OPRM1: variants seen among roughly 807,000 people sequenced by gnomAD.
OPRM1 encodes the protein opioid receptor mu 1, also known as mu-type opioid receptor.
A neutral mutation model predicts 31.8 loss-of-function variants in OPRM1; 27 were observed. The observed-to-expected ratio is 0.85, with a 90% CI of 0.63 to 1.17. The LOEUF (loss-of-function observed/expected upper bound fraction) is 1.17. OPRM1 is among the 50% of genes most tolerant of loss of function. The pLI, the probability that OPRM1 is intolerant of heterozygous loss-of-function variation, is 0.00. For missense variants in OPRM1, 536 were observed against 511.1 expected (o/e 1.05, Z -0.47); for synonymous variants, 196 against 189.9 (o/e 1.03, Z -0.26).
chr6:154,226,617 A>G (rs1406691232), intron 3 of OPRM1, among the ~76,000 whole-genome samples: 1 of 152,162 alleles, frequency 6.6e-6, no homozygotes, highest in Non-Finnish European at 1.5e-5. Context: ...AATTACCGCA[A>G]AAGTCTCCTC....
chr6:154,066,387 C>G (rs1482108983), intron 1 of OPRM1, among the ~76,000 whole-genome samples: 2 of 151,966 alleles, frequency 1.3e-5, no homozygotes, highest in African/African-American at 2.4e-5. Flanking sequence ...ACCAATGAAG[C>G]CATCAGGACC....
intron 1 of OPRM1, among the ~76,000 whole-genome samples, chr6:154,082,046 CT>C (rs1334828850): frequency 6.6e-6 from 1 of 152,172 alleles, no homozygotes; most frequent in Non-Finnish European, 1.5e-5. Flanking sequence ...TTGGGATCTT[CT>C]CATTATTCCA....
intron 1 of OPRM1, among the ~76,000 whole-genome samples, chr6:154,013,400 A>G (rs1777835206): frequency 6.6e-6 from 1 of 152,182 alleles, no homozygotes. Flanking sequence ...CAAGTGCCTG[A>G]AATAATCAAT....
At chr6:154,030,013 C>A (rs2128386800) in intron 1 of OPRM1, among the ~76,000 whole-genome samples, 1 of 152,008 alleles carries the variant, frequency 6.6e-6, no homozygotes, top group East Asian at 1.9e-4. Context: ...ATTTTTGAGG[C>A]CTCCCAAGCC....
chr6:154,205,526 C>T (rs1283370696), intron 3 of OPRM1, among the ~76,000 whole-genome samples: 1 of 152,080 alleles, frequency 6.6e-6, no homozygotes, highest in Non-Finnish European at 1.5e-5. Flanking sequence ...ACCCAGGAGG[C>T]GGAAGTTGCA....
chr6:154,134,866 T>C (rs371489008), downstream of OPRM1, among the ~76,000 whole-genome samples: 6 of 151,374 alleles, frequency 4.0e-5, no homozygotes, highest in East Asian at 3.9e-4. Context: ...GAAGGGAAAA[T>C]GAGAATAGTA....
chr6:154,044,112 A>G (rs1293186328), intron 1 of OPRM1, among the ~76,000 whole-genome samples: 1 of 149,232 alleles, frequency 6.7e-6, no homozygotes, highest in Non-Finnish European at 1.5e-5. Context: ...ATGGATGGAT[A>G]GATAGATAGA....
chr6:154,190,656 G>A (rs1229224977), intron 3 of OPRM1, among the ~76,000 whole-genome samples: 4 of 152,140 alleles, frequency 2.6e-5, no homozygotes, highest in Non-Finnish European at 5.9e-5. Context: ...TGTACTCATT[G>A]CTATTTACCC....
At chr6:154,196,292 G>C (rs995190858) in intron 3 of OPRM1, among the ~76,000 whole-genome samples, 2 of 152,134 alleles carry the variant, frequency 1.3e-5, no homozygotes, top group Non-Finnish European at 2.9e-5. Context: ...CTAAAGTACT[G>C]TTCACACTCA....
chr6:154,086,524 A>G lies in OPRM1; in HGVS notation c.291-3302A>G, dbSNP rs116467637. 4,878 of 966,758 alleles carry G rather than the reference A, an allele frequency of 5.0e-3. 159 individuals are homozygous for G. In the African/African-American group the frequency reaches 0.068, roughly 14 times the overall value. The allele number at this position is 966,758 out of a possible 1,614,324, so 59.9% of individuals were successfully genotyped here. A position where few individuals can be genotyped will look rare whatever the true frequency, so the allele number is the denominator to read the frequency against. Reference sequence around the variant, plus strand: ...TGTGGAATGGCTAGCATGCTAATTAACTATGCATAACCACGTTTCCTTTCA... The same window carrying G: ...TGTGGAATGGCTAGCATGCTAATTAGCTATGCATAACCACGTTTCCTTTCA... On this transcript the variant is annotated intron_variant, in intron 1 of 3. Transcript: ENST00000330432.
intron 3 of OPRM1, among the ~76,000 whole-genome samples, chr6:154,178,803 C>G (rs1800578843): frequency 6.6e-6 from 1 of 152,174 alleles, no homozygotes; most frequent in Non-Finnish European, 1.5e-5. Flanking sequence ...CAAATTATCA[C>G]TCAGCTTCCT....
intron 1 of OPRM1, among the ~76,000 whole-genome samples, chr6:154,011,961 ATAATT>A (rs779014249): frequency 6.6e-5 from 10 of 152,170 alleles, no homozygotes; most frequent in Non-Finnish European, 1.0e-4. Flanking sequence ...TGTCAACTAA[ATAATT>A]TAAGTTATTG....
chr6:154,229,941 G>A (rs1779593811), intron 3 of OPRM1, among the ~76,000 whole-genome samples: 1 of 152,174 alleles, frequency 6.6e-6, no homozygotes, highest in Non-Finnish European at 1.5e-5. Flanking sequence ...AAAACATTCT[G>A]CTAAGTGAAA....
At chr6:154,069,290 G>A (rs1485381184) in intron 1 of OPRM1, among the ~76,000 whole-genome samples, 5 of 152,124 alleles carry the variant, frequency 3.3e-5, no homozygotes, top group Non-Finnish European at 7.3e-5. Context: ...CCAGGCTGGA[G>A]TGCAGTAGCC....
intron 3 of OPRM1, among the ~76,000 whole-genome samples, chr6:154,188,275 T>C (rs1216211382): frequency 6.6e-6 from 1 of 152,194 alleles, no homozygotes. Flanking sequence ...ATGAAATATA[T>C]AGAACTAAAT....
At chr6:154,075,128 A>T (rs1267541231) in intron 1 of OPRM1, among the ~76,000 whole-genome samples, 1 of 152,100 alleles carries the variant, frequency 6.6e-6, no homozygotes, top group Non-Finnish European at 1.5e-5. Flanking sequence ...GGAATAGAAT[A>T]AGAGTTTTCA....
At chr6:154,239,647 C>T (rs745710242) in intron 3 of OPRM1, among the ~76,000 whole-genome samples, 17 of 152,158 alleles carry the variant, frequency 1.1e-4, no homozygotes, top group Non-Finnish European at 2.2e-4. Context: ...TTCTAGGAAC[C>T]CATATGTTGG....
At chr6:154,053,165 C>T (rs1279834006) in intron 1 of OPRM1, among the ~76,000 whole-genome samples, 1 of 152,174 alleles carries the variant, frequency 6.6e-6, no homozygotes, top group Non-Finnish European at 1.5e-5. Context: ...ATTGGATATG[C>T]TTTGTGGTTA....
intron 3 of OPRM1, among the ~76,000 whole-genome samples, chr6:154,236,645 T>C (rs907645236): frequency 1.3e-5 from 2 of 152,226 alleles, no homozygotes; most frequent in Non-Finnish European, 2.9e-5. Flanking sequence ...TTTTACAAGA[T>C]TCAAGGTGTG....
Sources: gnomAD v4.1 joint callset for allele counts (sites outside exome capture counted in the v4.1 genomes callset) on GRCh38, gnomAD v4.1.1 for gene constraint, MANE v1.5 for transcripts, NCBI Gene and HGNC (gene_info 2026-07-23, HGNC 2026-07-21) for gene names.